FAM120C: variants seen among roughly 807,000 people sequenced by gnomAD.
FAM120C encodes the protein constitutive coactivator of PPAR-gamma-like protein 2.
FAM120C carries 14 observed loss-of-function variants against 71.2 expected under a neutral mutation model. That is an observed-to-expected ratio of 0.20 (90% CI 0.13 to 0.31). FAM120C has a LOEUF of 0.31. Among genes scored for constraint, FAM120C ranks in the 10% least tolerant of loss-of-function variants. The pLI, the probability that FAM120C is intolerant of heterozygous loss-of-function variation, is 1.00. For missense variants in FAM120C, 500 were observed against 879.0 expected, an observed-to-expected ratio of 0.57 and a Z score of 5.45; for synonymous variants, 354 against 353.2, an observed-to-expected ratio of 1.00 and a Z score of -0.03.
At chrX:54,103,070 A>C (rs899740526) in intron 10 of FAM120C, among the ~76,000 whole-genome samples, 2 of 111,748 alleles carry the variant, frequency 1.8e-5, no homozygotes, top group African/African-American at 6.5e-5. Context: ...CAAAGAAGAA[A>C]GCTGGGAATT....
At chrX:54,151,157 G>C (rs781856387) in intron 4 of FAM120C, 88 bp downstream of exon 4, 2 of 1,033,679 alleles carry the variant, frequency 1.9e-6, no homozygotes, top group African/African-American at 3.7e-5. Flanking sequence ...GGAAAACTTA[G>C]GTGTCACAGA....
At position 54,068,789 on chromosome X, in the gene FAM120C, C is replaced by CAGAACAGAAT. The variant is rs60166177; in HGVS notation, c.*4243_*4244insATTCTGTTCT. ...AAAAACAGAATAGAACAGAATAGAA[C>CAGAACAGAAT]AGAATAGAATAGAATAGAATAGAAT... is the stretch of plus-strand genomic sequence containing the variant. On this transcript the variant is annotated 3_prime_UTR_variant, in exon 16 of 16. Coordinates refer to ENST00000375180, the MANE Select transcript of FAM120C (RefSeq NM_017848.6). 4,048 of 103,087 alleles carry CAGAACAGAAT rather than the reference C, an allele frequency of 0.039. 235 individuals are homozygous for CAGAACAGAAT. Among genetic ancestry groups the CAGAACAGAAT allele is most frequent in the African/African-American group, 0.13 (3,230 of 25,041 alleles). 8.5% of individuals were successfully genotyped at this position (103,087 alleles called of 1,213,427 possible). A position where few individuals can be genotyped will look rare whatever the true frequency, so the allele number is the denominator to read the frequency against.
chrX:54,146,501 C>T (rs782684337), intron 4 of FAM120C, among the ~76,000 whole-genome samples: 13 of 109,574 alleles, frequency 1.2e-4, no homozygotes, highest in Non-Finnish European at 2.1e-4. Context: ...GGTAACATAG[C>T]GGGACCTTAT....
intron 13 of FAM120C, 132 bp downstream of exon 13, chrX:54,085,583 G>A (rs1234783093): frequency 3.2e-5 from 19 of 601,030 alleles, no homozygotes; most frequent in Admixed American, 7.5e-5. Flanking sequence ...GTGAAACTCC[G>A]TCTAAAAAAA....
At chrX:54,104,403 T>C (rs1361267303) in intron 10 of FAM120C, among the ~76,000 whole-genome samples, 1 of 112,232 alleles carries the variant, frequency 8.9e-6, no homozygotes, top group Non-Finnish European at 1.9e-5. Context: ...TTGATATTGC[T>C]GGACAATGCA....
At chrX:54,097,867 C>T (rs1206755107) in intron 10 of FAM120C, among the ~76,000 whole-genome samples, 1 of 109,484 alleles carries the variant, frequency 9.1e-6, no homozygotes, top group African/African-American at 3.3e-5. Flanking sequence ...GCTGGGACTA[C>T]AGGCGCCCGC....
At chrX:54,085,222 G>A (rs998197683) in intron 13 of FAM120C, among the ~76,000 whole-genome samples, 4 of 112,061 alleles carry the variant, frequency 3.6e-5, no homozygotes, top group Non-Finnish European at 5.6e-5. Context: ...GGGGACCAAC[G>A]ACCTCTATGA....
intron 3 of FAM120C, among the ~76,000 whole-genome samples, chrX:54,154,053 A>T (rs1436512890): frequency 1.0e-4 from 11 of 104,918 alleles, no homozygotes; most frequent in African/African-American, 1.7e-4. Flanking sequence ...TTTTTTTTTT[A>T]AAAGGGTCGC....
chrX:54,159,512 A>G lies in FAM120C; in HGVS notation c.804T>C (p.Asn268=). 1.7e-6 allele frequency: 2 copies of G among 1,211,176 alleles called. No homozygotes were observed. The highest frequency in any genetic ancestry group is 3.0e-5 in the East Asian group (1 of 33,797). The change falls in exon 2 of 16, where the codon AAT becomes AAC. Residue 268 remains asparagine, a synonymous_variant. Transcript: ENST00000375180. ...LAHDSEYALY[N]IPSYYSSHAL... ...CATGGGAACTGTAGTAAGAGGGAAT[A>G]TTGTAGAGAGCATACTCGGAGTCAT...
intron 1 of FAM120C, among the ~76,000 whole-genome samples, chrX:54,171,335 A>G (rs1200924184): frequency 9.0e-6 from 1 of 111,525 alleles, no homozygotes; most frequent in Non-Finnish European, 1.9e-5. Context: ...TGAGCCCAGG[A>G]GTTCAAGGTT....
rs1557119973 is a variant in FAM120C at position 54,070,759 on chromosome X, C to T, written c.*2274G>A. The T allele has an allele frequency of 8.9e-6, 1 of 111,894 alleles. No individual in the cohort carries two copies. The highest frequency in any genetic ancestry group is 2.8e-4 in the East Asian group (1 of 3,572). The allele number at this position is 111,894 out of a possible 1,213,427, so 9.2% of individuals were successfully genotyped here. ...ATTCCAAAGAGGAGGTTTTTCTATACTTTGTTTCTACTTCTGTCTGGTTAG... is the reference window on the plus strand; with the variant it reads ...ATTCCAAAGAGGAGGTTTTTCTATATTTTGTTTCTACTTCTGTCTGGTTAG... On this transcript the variant is annotated 3_prime_UTR_variant, in exon 16 of 16. Transcript: ENST00000375180.
At chrX:54,100,766 T>G (rs1479867612) in intron 10 of FAM120C, among the ~76,000 whole-genome samples, 1 of 112,450 alleles carries the variant, frequency 8.9e-6, no homozygotes, top group Non-Finnish European at 1.9e-5. Context: ...GGACACACTG[T>G]GGTGGGAGCC....
At chrX:54,176,888 G>GA (rs2067321405) in intron 1 of FAM120C, among the ~76,000 whole-genome samples, 1 of 110,825 alleles carries the variant, frequency 9.0e-6, no homozygotes, top group Non-Finnish European at 1.9e-5. Flanking sequence ...CTATGAAAGA[G>GA]AAAAAAATAT....
intron 4 of FAM120C, among the ~76,000 whole-genome samples, chrX:54,140,480 C>T (rs782030924): frequency 3.1e-5 from 3 of 98,053 alleles, no homozygotes; most frequent in South Asian, 4.7e-4. Context: ...AGTAGCCAGG[C>T]GTGGTGGCGG....
At chrX:54,138,869 C>T (rs1557131109) in intron 4 of FAM120C, among the ~76,000 whole-genome samples, 1 of 112,121 alleles carries the variant, frequency 8.9e-6, no homozygotes, top group Non-Finnish European at 1.9e-5. Flanking sequence ...TCTGTGGCAA[C>T]AGAAGTAAAA....
In FAM120C at chrX:54,183,019, G is replaced by T; in HGVS notation, c.180C>A (p.Ser60=). The T allele has an allele frequency of 8.6e-7, 1 of 1,158,451 alleles. No homozygotes were observed. The highest frequency in any genetic ancestry group is 1.1e-6 in the Non-Finnish European group (1 of 871,375). ...GCGGAAGCGGCGGTTGCAGAGGCAC[G>T]GAGCCCCTGGCGGCGCGTGGAGCCC... The part of the protein sequence containing the change: ...APGAPRAARG[S]VPLQPPLPPA... The change falls in exon 1 of 16, where the codon TCC becomes TCA. Residue 60 remains serine, a synonymous_variant. Coordinates refer to ENST00000375180, the MANE Select transcript of FAM120C (RefSeq NM_017848.6).
chrX:54,163,961 C>T (rs909105750), intron 1 of FAM120C, among the ~76,000 whole-genome samples: 1 of 106,560 alleles, frequency 9.4e-6, no homozygotes, highest in African/African-American at 3.4e-5. Flanking sequence ...GAGACAGAGT[C>T]TCGCTCTGTT....
At chrX:54,095,172 A>T (rs1015561502) in intron 10 of FAM120C, among the ~76,000 whole-genome samples, 59 of 111,810 alleles carry the variant, frequency 5.3e-4, no homozygotes, top group Admixed American at 3.8e-4. Flanking sequence ...AACTGAACGA[A>T]TTATGGTATA....
At chrX:54,113,631 G>T (rs970058779) in intron 10 of FAM120C, among the ~76,000 whole-genome samples, 1 of 110,868 alleles carries the variant, frequency 9.0e-6, no homozygotes, top group African/African-American at 3.3e-5. Context: ...CCTGCACCAG[G>T]CCGGGCGCGG....
Sources: allele counts gnomAD v4.1 joint callset (sites outside exome capture counted in the v4.1 genomes callset), GRCh38; gene constraint gnomAD v4.1.1; transcripts MANE v1.5; gene names NCBI Gene and HGNC (gene_info 2026-07-23, HGNC 2026-07-21).